The following FGGY variants were observed in gnomAD, a reference collection of about 807,000 sequenced individuals.
The protein encoded by FGGY is FGGY carbohydrate kinase domain containing.
FGGY carries 72 observed loss-of-function variants against 71.3 expected under a neutral mutation model. The observed-to-expected ratio is 1.01, with a 90% CI of 0.84 to 1.23. The LOEUF (loss-of-function observed/expected upper bound fraction) is 1.23. Among genes scored for constraint, FGGY ranks in the 50% most tolerant of loss-of-function variants. FGGY has a pLI of 0.00. For missense variants in FGGY, 668 were observed against 682.3 expected (o/e 0.98, Z 0.23); for synonymous variants, 251 against 250.3 (o/e 1.00, Z -0.02).
At chr1:59,396,316 C>T (rs544897056) in intron 5 of FGGY, among the ~76,000 whole-genome samples, 1 of 152,288 alleles carries the variant, frequency 6.6e-6, no homozygotes, top group Non-Finnish European at 1.5e-5. Flanking sequence ...AAGCTCTAAC[C>T]TCAGTGAATG....
intron 4 of FGGY, among the ~76,000 whole-genome samples, chr1:59,367,110 G>C (rs17119347): frequency 0.024 from 3,607 of 152,240 alleles, 152 homozygotes; most frequent in African/African-American, 0.082. Context: ...CTTTAATAAA[G>C]GAATGGAATG....
chr1:59,715,867 G>A (rs1047847869), intron 14 of FGGY, among the ~76,000 whole-genome samples: 3 of 152,184 alleles, frequency 2.0e-5, no homozygotes, highest in African/African-American at 7.2e-5. Flanking sequence ...CCTACTGACT[G>A]TTTTTGAAAA....
intron 8 of FGGY, among the ~76,000 whole-genome samples, chr1:59,588,146 T>C (rs1294068942): frequency 6.6e-6 from 1 of 152,112 alleles, no homozygotes; most frequent in Non-Finnish European, 1.5e-5. Flanking sequence ...ACGTGAAGAA[T>C]GCAGAAGCCT....
At chr1:59,589,035 C>A (rs1418192305) in intron 8 of FGGY, among the ~76,000 whole-genome samples, 1 of 152,152 alleles carries the variant, frequency 6.6e-6, no homozygotes, top group African/African-American at 2.4e-5. Flanking sequence ...GTGCTGTATT[C>A]AGGAAACCCA....
intron 6 of FGGY, among the ~76,000 whole-genome samples, chr1:59,466,875 C>A (rs1051775589): frequency 1.3e-5 from 2 of 152,022 alleles, no homozygotes; most frequent in Non-Finnish European, 2.9e-5. Context: ...AGGATGTGGA[C>A]AAATAGGAAC....
At chr1:59,525,959 A>G (rs1011079059) in intron 7 of FGGY, among the ~76,000 whole-genome samples, 5 of 152,160 alleles carry the variant, frequency 3.3e-5, no homozygotes, top group Non-Finnish European at 2.9e-5. Context: ...GTAGTTGTGC[A>G]TGCATATGCA....
chr1:59,370,138 C>T (rs1236602430), intron 4 of FGGY, among the ~76,000 whole-genome samples: 1 of 151,832 alleles, frequency 6.6e-6, no homozygotes, highest in Admixed American at 6.5e-5. Flanking sequence ...GAAATTCAAA[C>T]CAAAGGCAAA....
chr1:59,326,534 A>G (rs1161357008), intron 2 of FGGY, among the ~76,000 whole-genome samples: 1 of 152,226 alleles, frequency 6.6e-6, no homozygotes, highest in Non-Finnish European at 1.5e-5. Flanking sequence ...TGAGGGCCAG[A>G]GAGTTAAGTG....
At chr1:59,363,753 C>A (rs1293581504) in intron 4 of FGGY, among the ~76,000 whole-genome samples, 1 of 152,222 alleles carries the variant, frequency 6.6e-6, no homozygotes, top group Non-Finnish European at 1.5e-5. Context: ...GGAATCATCA[C>A]AAAGGACCAG....
At chr1:59,707,904 C>T (rs2097767808) in intron 14 of FGGY, among the ~76,000 whole-genome samples, 1 of 152,172 alleles carries the variant, frequency 6.6e-6, no homozygotes, top group Admixed American at 6.6e-5. Flanking sequence ...TGTTTACCCA[C>T]TTGCTACAGA....
intron 11 of FGGY, among the ~76,000 whole-genome samples, chr1:59,653,048 TC>T (rs1362770105): frequency 6.6e-6 from 1 of 152,176 alleles, no homozygotes; most frequent in Non-Finnish European, 1.5e-5. Flanking sequence ...GGGGGGTGCC[TC>T]CCAGTTAGGC....
intron 8 of FGGY, among the ~76,000 whole-genome samples, chr1:59,561,401 G>A (rs1173634640): frequency 1.3e-5 from 2 of 152,134 alleles, no homozygotes; most frequent in Non-Finnish European, 2.9e-5. Context: ...GCATTGATTC[G>A]GCGAGGAGAG....
In FGGY at chr1:59,550,758, A is replaced by G. The variant is rs72917731; in HGVS notation, c.800-3366A>G. ...AGTTTCATGGTGAACTAGCACTTCC[A>G]AGTATGTTTTCATTATGTAAGACAA... On this transcript the variant is annotated intron_variant, in intron 7 of 15. Transcript: ENST00000303721. Among the ~76,000 whole-genome samples, 4 of 152,250 alleles carry G rather than the reference A, an allele frequency of 2.6e-5. No homozygotes were observed. The South Asian group carries it at 8.3e-4, about 32-fold the overall frequency.
chr1:59,314,869 A>C (rs1056225712), intron 1 of FGGY, among the ~76,000 whole-genome samples: 3 of 152,172 alleles, frequency 2.0e-5, no homozygotes, highest in African/African-American at 7.2e-5. Flanking sequence ...TAGCAGGATG[A>C]CTTCTGCACT....
At chr1:59,663,672 CAG>C (rs949455494) in intron 12 of FGGY, among the ~76,000 whole-genome samples, 4 of 152,108 alleles carry the variant, frequency 2.6e-5, no homozygotes, top group Admixed American at 6.5e-5. Flanking sequence ...CATTTTAAGA[CAG>C]AGATTTTTTT....
chr1:59,511,824 C>T (rs1009028067), intron 6 of FGGY, among the ~76,000 whole-genome samples: 1 of 152,156 alleles, frequency 6.6e-6, no homozygotes, highest in Non-Finnish European at 1.5e-5. Flanking sequence ...ACAAAGTACA[C>T]CTTTTTCCTC....
intron 4 of FGGY, among the ~76,000 whole-genome samples, chr1:59,353,981 G>T (rs569472757): frequency 6.6e-6 from 1 of 152,288 alleles, no homozygotes; most frequent in Middle Eastern, 3.4e-3. Flanking sequence ...GAGCTAAAGC[G>T]TATGTAGTGC....
intron 8 of FGGY, among the ~76,000 whole-genome samples, chr1:59,606,009 T>C (rs534019403): frequency 6.6e-6 from 1 of 152,302 alleles, no homozygotes; most frequent in African/African-American, 2.4e-5. Flanking sequence ...TCAGCATTCC[T>C]TACTGCTGAA....
intron 7 of FGGY, among the ~76,000 whole-genome samples, chr1:59,525,364 A>C (rs981890214): frequency 3.3e-5 from 5 of 152,076 alleles, no homozygotes; most frequent in Non-Finnish European, 7.4e-5. Context: ...CACGAGCAAT[A>C]CTCAGGCAGA....
Sources: allele counts gnomAD v4.1 joint callset (sites outside exome capture counted in the v4.1 genomes callset), GRCh38; gene constraint gnomAD v4.1.1; transcripts MANE v1.5; gene names NCBI Gene and HGNC (gene_info 2026-07-23, HGNC 2026-07-21).